Variants in SPDYE10 observed in about 807,000 individuals in gnomAD.
The protein encoded by SPDYE10 is speedy/RINGO cell cycle regulator family member E10, also known as speedy protein E10.
chr7:73,134,573 G>A, the SPDYE10 span, among the ~76,000 whole-genome samples: 63 of 152,216 alleles, frequency 4.1e-4, 1 homozygote, highest in Middle Eastern at 6.9e-3. Context: ...AAGAAACCGT[G>A]CAGGCAGGAC....
chr7:73,135,278 A>G, the SPDYE10 span, among the ~76,000 whole-genome samples: 1 of 151,878 alleles, frequency 6.6e-6, no homozygotes, highest in African/African-American at 2.4e-5. Context: ...CACGGGCACC[A>G]AGGAGAAGCC....
At chr7:73,141,070 CCACACACA>C in the SPDYE10 span, among the ~76,000 whole-genome samples, 42 of 136,008 alleles carry the variant, frequency 3.1e-4, no homozygotes, top group Non-Finnish European at 3.9e-4. Context: ...TCCATTTCTA[CCACACACA>C]CACACACACA....
chr7:73,143,808 A>G, the SPDYE10 span, among the ~76,000 whole-genome samples: 2 of 150,912 alleles, frequency 1.3e-5, no homozygotes, highest in Non-Finnish European at 2.9e-5. Flanking sequence ...AGCAATTCTC[A>G]TGCTTCAGCT....
the SPDYE10 span, among the ~76,000 whole-genome samples, chr7:73,113,646 C>T: frequency 7.3e-5 from 11 of 150,244 alleles, no homozygotes; most frequent in East Asian, 3.9e-4. Flanking sequence ...GTAATCCCAG[C>T]GCTTTGGGAG....
the SPDYE10 span, among the ~76,000 whole-genome samples, chr7:73,124,498 AG>A: frequency 1.3e-5 from 2 of 151,982 alleles, no homozygotes; most frequent in Non-Finnish European, 2.9e-5. Context: ...CTCAGGACTG[AG>A]GTAGAAGCAT....
chr7:73,134,959 G>A, the SPDYE10 span, among the ~76,000 whole-genome samples: 2 of 152,310 alleles, frequency 1.3e-5, no homozygotes. Flanking sequence ...GCAGATGGAA[G>A]TGAGCCCAGG....
the SPDYE10 span, among the ~76,000 whole-genome samples, chr7:73,131,006 A>G: frequency 2.5e-4 from 22 of 88,690 alleles, no homozygotes; most frequent in Non-Finnish European, 3.5e-4. Context: ...ATTCAAGACC[A>G]GCCTGGGCAA....
the SPDYE10 span, among the ~76,000 whole-genome samples, chr7:73,117,040 G>A: frequency 2.6e-5 from 4 of 151,628 alleles, no homozygotes; most frequent in Non-Finnish European, 5.9e-5. Context: ...AGAGTACAGG[G>A]CATGCCACCA....
chr7:73,130,376 G>A, the SPDYE10 span, among the ~76,000 whole-genome samples: 4 of 151,864 alleles, frequency 2.6e-5, no homozygotes, highest in East Asian at 1.9e-4. Flanking sequence ...AGAGCTTTTC[G>A]TGTTAGGGAG....
At chr7:73,137,542 G>C in the SPDYE10 span, among the ~76,000 whole-genome samples, 1 of 133,496 alleles carries the variant, frequency 7.5e-6, no homozygotes, top group Non-Finnish European at 1.6e-5. Context: ...GAAAGAGAGA[G>C]AGAAAGAAAG....
At chr7:73,125,270 T>C in the SPDYE10 span, among the ~76,000 whole-genome samples, 1 of 150,260 alleles carries the variant, frequency 6.7e-6, no homozygotes, top group Non-Finnish European at 1.5e-5. Flanking sequence ...CAGGCTGGAT[T>C]CCCCACCCCT....
chr7:73,151,892 A>T, the SPDYE10 span, among the ~76,000 whole-genome samples: 1 of 143,016 alleles, frequency 7.0e-6, no homozygotes, highest in East Asian at 2.0e-4. Context: ...GGTCATACAC[A>T]GTCTGCAGAT....
the SPDYE10 span, among the ~76,000 whole-genome samples, chr7:73,134,537 A>AAGAAAGAAAAAG: frequency 7.2e-6 from 1 of 139,530 alleles, no homozygotes; most frequent in African/African-American, 2.9e-5. Flanking sequence ...GAAAGAAAGA[A>AAGAAAGAAAAAG]AAAGAAAGAA....
chr7:73,138,266 G>A, the SPDYE10 span, among the ~76,000 whole-genome samples: 5 of 151,204 alleles, frequency 3.3e-5, no homozygotes, highest in Non-Finnish European at 5.9e-5. Context: ...AGCCCCCATG[G>A]AATCGGACCA....
At chr7:73,137,173 G>A in the SPDYE10 span, among the ~76,000 whole-genome samples, 1 of 150,576 alleles carries the variant, frequency 6.6e-6, no homozygotes, top group Non-Finnish European at 1.5e-5. Context: ...CTAAAGTCAG[G>A]AGTTCAAGAC....
At chr7:73,149,609 G>A in the SPDYE10 span, among the ~76,000 whole-genome samples, 3 of 152,170 alleles carry the variant, frequency 2.0e-5, no homozygotes, top group Non-Finnish European at 4.4e-5. Context: ...TTTATTCATC[G>A]TGTTTCTATT....
the SPDYE10 span, among the ~76,000 whole-genome samples, chr7:73,126,801 A>G: frequency 1.3e-5 from 2 of 150,884 alleles, no homozygotes; most frequent in Admixed American, 1.3e-4. Flanking sequence ...AGTAACTGGG[A>G]CTACAAGCCT....
chr7:73,116,970 A>T, the SPDYE10 span, among the ~76,000 whole-genome samples: 1 of 151,182 alleles, frequency 6.6e-6, no homozygotes, highest in Admixed American at 6.6e-5. Flanking sequence ...ATCTCGTCTC[A>T]CTATAACCTC....
chr7:73,120,802 AG>A, the SPDYE10 span, among the ~76,000 whole-genome samples: 1 of 151,680 alleles, frequency 6.6e-6, no homozygotes, highest in Admixed American at 6.5e-5. Context: ...AAAAAAAAAA[AG>A]GAAGTCTGTT....
Sources: allele counts gnomAD v4.1 joint callset (sites outside exome capture counted in the v4.1 genomes callset), GRCh38; gene constraint gnomAD v4.1.1; transcripts MANE v1.5; gene names NCBI Gene and HGNC (gene_info 2026-07-23, HGNC 2026-07-21).